MAP1B: variants seen among roughly 807,000 people sequenced by gnomAD.
The protein encoded by MAP1B is microtubule-associated protein 1B.
Under a neutral mutation model 176.1 loss-of-function variants are expected in MAP1B, and 12 were observed. The observed-to-expected ratio is 0.07, with a 90% CI of 0.04 to 0.11. The LOEUF (loss-of-function observed/expected upper bound fraction) is 0.11. Among genes scored for constraint, MAP1B ranks in the 10% least tolerant of loss-of-function variants. The pLI, the probability that MAP1B is intolerant of heterozygous loss-of-function variation, is 1.00. For missense variants in MAP1B, 2,523 were observed against 2,990.5 expected (o/e 0.84, Z 3.65); for synonymous variants, 1,044 against 1,135.0 (o/e 0.92, Z 1.61).
chr5:72,144,757 C>T (rs868365842), intron 2 of MAP1B, among the ~76,000 whole-genome samples: 5 of 152,232 alleles, frequency 3.3e-5, no homozygotes, highest in African/African-American at 9.6e-5. Flanking sequence ...TGAAGTGTTA[C>T]GCTTGGGTCT....
intron 2 of MAP1B, among the ~76,000 whole-genome samples, chr5:72,126,307 T>C (rs1745629286): frequency 6.6e-6 from 1 of 152,258 alleles, no homozygotes; most frequent in Non-Finnish European, 1.5e-5. Context: ...GGGATTAGGC[T>C]AGATCAGGTC....
intron 5 of MAP1B, among the ~76,000 whole-genome samples, chr5:72,203,011 T>C (rs1747363859): frequency 6.6e-6 from 1 of 152,198 alleles, no homozygotes; most frequent in African/African-American, 2.4e-5. Flanking sequence ...ATGGAGGTGC[T>C]GAGGGCCTTG....
intron 2 of MAP1B, among the ~76,000 whole-genome samples, chr5:72,127,609 T>A (rs1414381866): frequency 1.3e-5 from 2 of 151,978 alleles, no homozygotes; most frequent in East Asian, 3.9e-4. Context: ...AGTATAATTT[T>A]AAAAAAGTTA....
rs762309646 is a variant in MAP1B at position 72,198,969 on chromosome 5, T to C, written c.5614T>C (p.Tyr1872His). ...GACACCTGGTGACTTTAGCTATGCC[T>C]ATCAAAAGCCTGAGGAAACAACCAG... Reference protein sequence around the residue: ...GKTPGDFSYAYQKPEETTRSP... With the variant: ...GKTPGDFSYAHQKPEETTRSP... Residue 1872 changes from tyrosine to histidine, a missense_variant, in exon 5 of 7, where the codon TAT becomes CAT. Physicochemically the swap from Tyr to His is moderately conservative, Grantham distance 83. Coordinates refer to ENST00000296755, the MANE Select transcript of MAP1B (RefSeq NM_005909.5). The C allele has an allele frequency of 6.8e-6, 11 of 1,614,172 alleles. No individual in the cohort carries two copies. The highest frequency in any genetic ancestry group is 3.3e-5 in the South Asian group (3 of 91,082).
intron 2 of MAP1B, among the ~76,000 whole-genome samples, chr5:72,125,959 A>G (rs1312688307): frequency 6.6e-6 from 1 of 152,252 alleles, no homozygotes; most frequent in African/African-American, 2.4e-5. Context: ...GATTGTCTTT[A>G]TCTTTGAGTG....
chr5:72,118,898 T>C (rs945097785), intron 2 of MAP1B, among the ~76,000 whole-genome samples: 3 of 152,200 alleles, frequency 2.0e-5, no homozygotes, highest in Admixed American at 1.3e-4. Flanking sequence ...ATAATTGGAG[T>C]TCACTTGTAA....
chr5:72,181,130 G>A (rs2028260), intron 2 of MAP1B, among the ~76,000 whole-genome samples: 97,926 of 152,056 alleles, frequency 0.64, 31,632 homozygotes, highest in East Asian at 0.69. Context: ...GTCTTAGAAC[G>A]GTGCCTGACA....
rs901542815 is a variant in MAP1B, at chr5:72,196,839, A to G, written c.3484A>G (p.Ile1162Val). The change falls in exon 5 of 7, where the codon ATC (isoleucine) becomes GTC (valine). Residue 1162 changes from isoleucine (I) to valine (V), a missense_variant. By Grantham distance (29) the Ile-to-Val change is conservative. Coordinates refer to ENST00000296755, the MANE Select transcript of MAP1B (RefSeq NM_005909.5). The surrounding 1 kb of genome is among the most constrained non-coding windows in gnomAD (Gnocchi z 5.3). ...GTCCCCTTCTCAGGAATTCGTAAAT[A>G]TCACCAAATATGAATCTTCATTGTA... ...TESPSQEFVN[I>V]TKYESSLYSQ... 1.2e-6 allele frequency: 2 copies of G among 1,614,036 alleles called. No individual in the cohort carries two copies. Among genetic ancestry groups the G allele is most frequent in the Admixed American group, 1.7e-5 (1 of 60,010 alleles).
At position 72,196,573 on chromosome 5, in the gene MAP1B, G is replaced by A; in HGVS notation, c.3218G>A (p.Gly1073Glu). 1.2e-6 allele frequency: 2 copies of A among 1,613,794 alleles called. No homozygotes were observed. Among genetic ancestry groups the A allele is most frequent in the Non-Finnish European group, 1.7e-6 (2 of 1,180,038 alleles). The change falls in exon 5 of 7, where the codon GGA becomes GAA. Residue 1073 changes from glycine to glutamate, a missense_variant. Around this residue, in one of 4 missense-constraint regions of MAP1B, gnomAD observed 1,925 missense variants for 2,126.0 expected, o/e 0.91. Coordinates refer to ENST00000296755, the MANE Select transcript of MAP1B (RefSeq NM_005909.5). The surrounding 1 kb of genome is among the most constrained non-coding windows in gnomAD (Gnocchi z 5.3). The part of the protein sequence containing the change: ...GFLTTPTKQL[G>E]AQSPGREPAS... ...CTCACCACACCAACCAAGCAACTAG[G>A]AGCCCAGTCTCCTGGCCGAGAACCT... is the stretch of plus-strand genomic sequence containing the variant.
chr5:72,137,732 A>G (rs1268449814), intron 2 of MAP1B, among the ~76,000 whole-genome samples: 1 of 152,228 alleles, frequency 6.6e-6, no homozygotes, highest in Admixed American at 6.5e-5. Flanking sequence ...TCAGAACTAT[A>G]CTTTCTCTTA....
chr5:72,150,586 T>C (rs1746122689), intron 2 of MAP1B, among the ~76,000 whole-genome samples: 1 of 152,244 alleles, frequency 6.6e-6, no homozygotes, highest in African/African-American at 2.4e-5. Flanking sequence ...TTGTACAGAT[T>C]ATTTCATCAC....
At chr5:72,124,439 A>G (rs1745587271) in intron 2 of MAP1B, among the ~76,000 whole-genome samples, 1 of 152,248 alleles carries the variant, frequency 6.6e-6, no homozygotes, top group African/African-American at 2.4e-5. Context: ...AAAATGCAAC[A>G]AGAGCGTCTA....
chr5:72,109,304 G>A (rs542156355), intron 1 of MAP1B, among the ~76,000 whole-genome samples: 115 of 151,658 alleles, frequency 7.6e-4, no homozygotes, highest in African/African-American at 2.6e-3. Context: ...TCAAGAACAA[G>A]AGATATTTCA....
chr5:72,205,595 G>T lies in MAP1B; in HGVS notation c.*356G>T. On this transcript the variant is annotated 3_prime_UTR_variant, in exon 7 of 7. Coordinates refer to ENST00000296755, the MANE Select transcript of MAP1B (RefSeq NM_005909.5). Reference sequence around the variant, plus strand: ...CGGGAGAGAGTGAGAGAGAGTGAGAGCACAAAGATAACGCAGGAGAGAGAG... The same window carrying T: ...CGGGAGAGAGTGAGAGAGAGTGAGATCACAAAGATAACGCAGGAGAGAGAG... 1 of 172,736 alleles carries T rather than the reference G, an allele frequency of 5.8e-6. No individual in the cohort carries two copies. Among genetic ancestry groups the T allele is most frequent in the Non-Finnish European group, 1.2e-5 (1 of 81,050 alleles). The allele number at this position is 172,736 out of a possible 1,614,324, so 10.7% of individuals were successfully genotyped here.
chr5:72,163,563 G>A (rs1746366095), intron 2 of MAP1B, among the ~76,000 whole-genome samples: 1 of 152,022 alleles, frequency 6.6e-6, no homozygotes, highest in African/African-American at 2.4e-5. Flanking sequence ...TACTTTTTTT[G>A]CCACTTGAGA....
At chr5:72,148,152 A>G (rs1431805153) in intron 2 of MAP1B, among the ~76,000 whole-genome samples, 1 of 152,242 alleles carries the variant, frequency 6.6e-6, no homozygotes, top group Non-Finnish European at 1.5e-5. Flanking sequence ...ATTTTATAAA[A>G]TACTTTTAAA....
At chr5:72,148,862 G>A (rs976027162) in intron 2 of MAP1B, among the ~76,000 whole-genome samples, 7 of 152,308 alleles carry the variant, frequency 4.6e-5, no homozygotes, top group African/African-American at 1.4e-4. Flanking sequence ...CTCCAACTTG[G>A]AGCATTCACA....
chr5:72,157,677 G>C (rs1746250877), intron 2 of MAP1B, among the ~76,000 whole-genome samples: 1 of 152,204 alleles, frequency 6.6e-6, no homozygotes, highest in Admixed American at 6.5e-5. Flanking sequence ...AAAATGACTA[G>C]ACAGCCTGTA....
intron 2 of MAP1B, among the ~76,000 whole-genome samples, chr5:72,161,956 CAAAAAAAAA>C (rs4043357): frequency 2.4e-5 from 2 of 85,024 alleles, no homozygotes; most frequent in African/African-American, 4.4e-5. Flanking sequence ...AATTCCGTCT[CAAAAAAAAA>C]AAAAAAAAAA....
Sources: gnomAD v4.1 joint callset for allele counts (sites outside exome capture counted in the v4.1 genomes callset) on GRCh38, gnomAD v4.1.1 for gene constraint, gnomAD v4.1.1 regional missense constraint, Gnocchi (gnomAD v3.1) non-coding constraint, MANE v1.5 for transcripts, NCBI Gene and HGNC (gene_info 2026-07-23, HGNC 2026-07-21) for gene names.